Variants in SDK2 observed in about 807,000 individuals in gnomAD.
The protein encoded by SDK2 is protein sidekick-2.
In SDK2, 105 loss-of-function variants were observed where a neutral mutation model predicts 253.9. The observed-to-expected ratio is 0.41, with a 90% CI of 0.35 to 0.49. SDK2 has a LOEUF of 0.49. SDK2 is among the 20% of genes least tolerant of loss of function. The pLI is 0.06. For missense variants in SDK2, 2,608 were observed against 3,003.0 expected, an observed-to-expected ratio of 0.87 and a Z score of 3.07; for synonymous variants, 1,249 against 1,234.9, an observed-to-expected ratio of 1.01 and a Z score of -0.24.
chr17:73,484,065 C>T (rs576130802), intron 2 of SDK2, among the ~76,000 whole-genome samples: 4 of 152,220 alleles, frequency 2.6e-5, no homozygotes, highest in East Asian at 1.9e-4. Flanking sequence ...ACCTCGATTA[C>T]AATTGTGCTT....
At chr17:73,400,935 A>C in intron 21 of SDK2, 85 bp downstream of exon 21, 6 of 1,351,026 alleles carry the variant, frequency 4.4e-6, no homozygotes, top group Non-Finnish European at 6.1e-6. Context: ...GGCATGAGCC[A>C]CCACGCCCAG....
intron 44 of SDK2, among the ~76,000 whole-genome samples, chr17:73,345,918 G>T (rs779472237): frequency 2.0e-5 from 3 of 149,748 alleles, no homozygotes; most frequent in Non-Finnish European, 4.5e-5. Flanking sequence ...CAGAAAATAT[G>T]ATTCACGGCT....
Position 73,541,468 on chromosome 17 carries a change from A to C in SDK2, c.65-33871T>G, listed in dbSNP as rs867498464. ...CATCCCATCCCCTCTCAACATCCTC[A>C]CCTCTATCTTAGCAGGGCAATACCG... is the stretch of plus-strand genomic sequence containing the variant. On this transcript the variant is annotated intron_variant, in intron 1 of 44. Transcript: ENST00000392650. The surrounding 1 kb of genome is among the most constrained non-coding windows in gnomAD (Gnocchi z 4.3). 2.6e-5 allele frequency among the ~76,000 whole-genome samples: 4 copies of C among 151,254 alleles called. No homozygotes were observed. Among genetic ancestry groups the C allele is most frequent in the Non-Finnish European group, 5.9e-5 (4 of 67,786 alleles).
In SDK2 at chr17:73,549,094, G is replaced by A. The variant is rs1237588563; in HGVS notation, c.65-41497C>T. On this transcript the variant is annotated intron_variant, in intron 1 of 44. Coordinates refer to ENST00000392650, the MANE Select transcript of SDK2 (RefSeq NM_001144952.2). ...CTGGGCACCAGCAGCCCCCACCCTG[G>A]CCCTGTTGCTGGCTGATAAAGGAAC... Among the ~76,000 whole-genome samples the A allele has an allele frequency of 2.0e-5, 3 of 152,328 alleles. No homozygotes were observed. The East Asian group carries it at 5.8e-4, about 29-fold the overall frequency.
intron 1 of SDK2, among the ~76,000 whole-genome samples, chr17:73,576,349 C>T (rs72845778): frequency 0.078 from 11,792 of 151,794 alleles, 598 homozygotes; most frequent in South Asian, 0.18. Context: ...AAATGGGAAG[C>T]GCGTCCCAAG....
chr17:73,335,464 C>G lies in SDK2; in HGVS notation c.*3123G>C, dbSNP rs1383661378. On this transcript the variant is annotated 3_prime_UTR_variant, in exon 45 of 45. Coordinates refer to ENST00000392650, the MANE Select transcript of SDK2 (RefSeq NM_001144952.2). Reference sequence around the variant, plus strand: ...TCTTTCTACAAAGGGCAGGGCCCACCACCCCTTTCTAATGTGGCCAGGTTT... The same window carrying G: ...TCTTTCTACAAAGGGCAGGGCCCACGACCCCTTTCTAATGTGGCCAGGTTT... The G allele has an allele frequency of 6.6e-6, 1 of 152,254 alleles. No individual in the cohort carries two copies. Among genetic ancestry groups the G allele is most frequent in the African/African-American group, 2.4e-5 (1 of 41,446 alleles). 9.4% of individuals were successfully genotyped at this position (152,254 alleles called of 1,614,324 possible). A position where few individuals can be genotyped will look rare whatever the true frequency, so the allele number is the denominator to read the frequency against.
At chr17:73,476,737 C>G (rs2063688758) in intron 2 of SDK2, among the ~76,000 whole-genome samples, 1 of 152,210 alleles carries the variant, frequency 6.6e-6, no homozygotes, top group South Asian at 2.1e-4. Flanking sequence ...CCTGCCTCAA[C>G]CTTCCAAGTA....
chr17:73,442,257 C>T (rs2063421960), intron 5 of SDK2, among the ~76,000 whole-genome samples: 1 of 152,144 alleles, frequency 6.6e-6, no homozygotes, highest in African/African-American at 2.4e-5. Context: ...CTGGGACTTC[C>T]AGCCTCCAGG....
intron 1 of SDK2, among the ~76,000 whole-genome samples, chr17:73,537,832 T>C (rs1248571380): frequency 6.6e-6 from 1 of 152,202 alleles, no homozygotes; most frequent in Non-Finnish European, 1.5e-5. Flanking sequence ...GGAAGCAGCC[T>C]GAACCCATTC....
At position 73,435,690 on chromosome 17, in the gene SDK2, T is replaced by C. The variant is rs2063362819; in HGVS notation, c.1001-46A>G. ...CACCGTCAACCTGCCTCCTGCCTCC[T>C]CTCCGCCTAGGAGGGGTGCTTGGGA... On this transcript the variant is annotated intron_variant, in intron 8 of 44. Coordinates refer to ENST00000392650, the MANE Select transcript of SDK2 (RefSeq NM_001144952.2). This position sits in a 1 kb window ranked among gnomAD's most constrained non-coding sequence, Gnocchi z 5.7. The C allele has an allele frequency of 6.7e-7, 1 of 1,491,606 alleles. No individual in the cohort carries two copies. The highest frequency in any genetic ancestry group is 9.0e-7 in the Non-Finnish European group (1 of 1,112,704). The allele number at this position is 1,491,606 out of a possible 1,614,324, so 92.4% of individuals were successfully genotyped here.
intron 1 of SDK2, among the ~76,000 whole-genome samples, chr17:73,513,263 A>C (rs2063995658): frequency 6.6e-6 from 1 of 152,230 alleles, no homozygotes; most frequent in Non-Finnish European, 1.5e-5. Flanking sequence ...CCCACAAATC[A>C]GTAAGAAAAA....
intron 1 of SDK2, among the ~76,000 whole-genome samples, chr17:73,543,020 A>G (rs2044895092): frequency 6.6e-6 from 1 of 152,144 alleles, no homozygotes; most frequent in Non-Finnish European, 1.5e-5. Context: ...CCTCTGCAGC[A>G]TAGGCAGGTC....
chr17:73,386,257 G>A (rs549504238), intron 31 of SDK2, among the ~76,000 whole-genome samples, 188 bp downstream of exon 31: 3 of 152,318 alleles, frequency 2.0e-5, no homozygotes, highest in Non-Finnish European at 2.9e-5. Context: ...CTGGGCCTGG[G>A]ACCCTGAGCC....
intron 1 of SDK2, among the ~76,000 whole-genome samples, chr17:73,556,901 G>C (rs954610632): frequency 8.5e-5 from 13 of 152,202 alleles, no homozygotes; most frequent in African/African-American, 3.1e-4. Context: ...TGTGAGGATT[G>C]TGTGAGTTAA....
rs2045768635 is a variant in SDK2, at chr17:73,596,996, A to G, written c.64+47029T>C. On this transcript the variant is annotated intron_variant, in intron 1 of 44. Coordinates refer to ENST00000392650, the MANE Select transcript of SDK2 (RefSeq NM_001144952.2). ...TGGTCGGGAGTCCGGCGCCCTAGGA[A>G]TCGTCTCCTCACTTCAGTCTGAACC... 2.0e-5 allele frequency among the ~76,000 whole-genome samples: 3 copies of G among 152,138 alleles called. 1 individual carries two copies. The South Asian group carries it at 6.2e-4, about 32-fold the overall frequency.
Position 73,358,080 on chromosome 17 carries a change from T to C in SDK2, c.5592A>G (p.Ser1864=). ...TCAGCCCAGCAGGGCGGGGCGCACC[T>C]GAAGGTCTGGCCTCGATGACGTAGC... ...ITRYVIEARP[S]DEGLWDILIK... is the part of the protein sequence containing the mutation. Residue 1864 remains serine (S), a splice_region_variant and synonymous_variant, in exon 40 of 45, where the codon TCA becomes TCG. Transcript: ENST00000392650. 6.2e-7 allele frequency: 1 copy of C among 1,613,022 alleles called. No individual in the cohort carries two copies. The highest frequency in any genetic ancestry group is 8.5e-7 in the Non-Finnish European group (1 of 1,179,722).
rs2063324772 is a variant in SDK2, at chr17:73,431,451, T to G, written c.1480+51A>C. The G allele has an allele frequency of 5.2e-6, 8 of 1,552,352 alleles. No individual in the cohort carries two copies. Among genetic ancestry groups the G allele is most frequent in the Non-Finnish European group, 6.1e-6 (7 of 1,144,838 alleles). ...CCTGAGTCCTCAGCACCTACAGGGATGTACACACGCACACACAAATGTATA... is the reference window on the plus strand; with the variant it reads ...CCTGAGTCCTCAGCACCTACAGGGAGGTACACACGCACACACAAATGTATA... On this transcript the variant is annotated intron_variant, in intron 11 of 44. Transcript: ENST00000392650. This position sits in a 1 kb window ranked among gnomAD's most constrained non-coding sequence, Gnocchi z 5.6.
chr17:73,358,930 C>T (rs1004133569), intron 39 of SDK2, among the ~76,000 whole-genome samples: 2 of 151,958 alleles, frequency 1.3e-5, no homozygotes, highest in Admixed American at 6.5e-5. Context: ...GGAGCCGGCC[C>T]TAGGAGCTGG....
Position 73,361,579 on chromosome 17 carries a change from AC to A in SDK2, c.5467+104del. On this transcript the variant is annotated intron_variant, in intron 39 of 44. Transcript: ENST00000392650. The surrounding 1 kb of genome is among the most constrained non-coding windows in gnomAD (Gnocchi z 4.1). The stretch of plus-strand genomic sequence containing the variant: ...GGGGAAAGAGTGAGCTCTGTCCTCC[AC>A]TCTGTTTCCAGGGTCCAGCACAGCT... The A allele has an allele frequency of 8.5e-7, 1 of 1,177,048 alleles. No homozygotes were observed. The highest frequency in any genetic ancestry group is 1.2e-6 in the Non-Finnish European group (1 of 828,616). 72.9% of individuals were successfully genotyped at this position (1,177,048 alleles called of 1,614,324 possible).
Sources: gnomAD v4.1 joint callset for allele counts (sites outside exome capture counted in the v4.1 genomes callset) on GRCh38, gnomAD v4.1.1 for gene constraint, Gnocchi (gnomAD v3.1) non-coding constraint, MANE v1.5 for transcripts, NCBI Gene and HGNC (gene_info 2026-07-23, HGNC 2026-07-21) for gene names.